The following TCF7L2 variants were observed in gnomAD, a reference collection of about 807,000 sequenced individuals.
TCF7L2 encodes transcription factor 7-like 2.
In TCF7L2, 23 loss-of-function variants were observed where a neutral mutation model predicts 77.9. The ratio of observed to expected loss-of-function variants is 0.30; its 90% CI spans 0.21 to 0.42. The LOEUF (loss-of-function observed/expected upper bound fraction) is 0.42, where lower values mean the gene tolerates loss of function less well. Among genes scored for constraint, TCF7L2 ranks in the 10% least tolerant of loss-of-function variants. TCF7L2 has a pLI of 1.00. For missense variants in TCF7L2, 654 were observed against 793.1 expected (o/e 0.82, Z 2.11); for synonymous variants, 413 against 340.2 (o/e 1.21, Z -2.36).
chr10:113,165,446 T>A (rs2073971004), intron 13 of TCF7L2, 109 bp from the exon 15 acceptor site: 2 of 1,255,824 alleles, frequency 1.6e-6, no homozygotes, highest in Non-Finnish European at 1.1e-6. Flanking sequence ...GCGTGCCACC[T>A]CTGTGGGACA....
intron 12 of TCF7L2, among the ~76,000 whole-genome samples, 160 bp from the exon 13 acceptor site, chr10:113,158,507 A>G (rs1362994843): frequency 6.6e-6 from 1 of 152,204 alleles, no homozygotes; most frequent in East Asian, 1.9e-4. Flanking sequence ...TTACAGTGGT[A>G]AATTACACCC....
chr10:113,149,427 C>T (rs962990464), intron 8 of TCF7L2, among the ~76,000 whole-genome samples: 3 of 152,216 alleles, frequency 2.0e-5, no homozygotes, highest in Admixed American at 6.5e-5. Flanking sequence ...GGAAAGGCCA[C>T]GTCAGCGTGG....
At chr10:113,003,324 C>T (rs981687775) in intron 4 of TCF7L2, among the ~76,000 whole-genome samples, 2 of 152,154 alleles carry the variant, frequency 1.3e-5, no homozygotes, top group Admixed American at 6.5e-5. Context: ...CCCACGTGCC[C>T]CTGGAGACCC....
At chr10:112,979,244 C>T (rs976065421) in intron 4 of TCF7L2, among the ~76,000 whole-genome samples, 1 of 152,100 alleles carries the variant, frequency 6.6e-6, no homozygotes, top group African/African-American at 2.4e-5. Context: ...ACTCTTGCCT[C>T]AGTACCCATA....
At chr10:112,983,239 A>T (rs2040830864) in intron 4 of TCF7L2, among the ~76,000 whole-genome samples, 1 of 151,848 alleles carries the variant, frequency 6.6e-6, no homozygotes, top group Non-Finnish European at 1.5e-5. Context: ...TGGGAGGCCG[A>T]GGCGGGCAGA....
intron 4 of TCF7L2, among the ~76,000 whole-genome samples, chr10:112,989,037 G>C (rs1377002617): frequency 6.6e-6 from 1 of 152,178 alleles, no homozygotes; most frequent in African/African-American, 2.4e-5. Flanking sequence ...ATGCTCTGCG[G>C]TTGCTATGTT....
At chr10:112,970,940 T>TAG (rs1012912419) in intron 4 of TCF7L2, among the ~76,000 whole-genome samples, 1 of 152,182 alleles carries the variant, frequency 6.6e-6, no homozygotes, top group African/African-American at 2.4e-5. Context: ...AATGAAGAAT[T>TAG]AGAGAGAGAT....
At chr10:112,962,045 GTGA>G (rs1468728904) in intron 3 of TCF7L2, among the ~76,000 whole-genome samples, 1 of 152,278 alleles carries the variant, frequency 6.6e-6, no homozygotes, top group East Asian at 1.9e-4. Flanking sequence ...TGTTATTTGG[GTGA>G]TGATGAAGGC....
chr10:113,055,629 T>C (rs2055244521), intron 5 of TCF7L2, among the ~76,000 whole-genome samples: 1 of 152,194 alleles, frequency 6.6e-6, no homozygotes, highest in South Asian at 2.1e-4. Flanking sequence ...TTGCAGTGGC[T>C]ATTCACAGGA....
At chr10:112,958,267 G>A (rs2034208602) in intron 3 of TCF7L2, among the ~76,000 whole-genome samples, 1 of 152,192 alleles carries the variant, frequency 6.6e-6, no homozygotes, top group Admixed American at 6.5e-5. Context: ...GAATGGCCAG[G>A]AGTGGCATCA....
intron 5 of TCF7L2, among the ~76,000 whole-genome samples, chr10:113,057,044 T>G (rs1475858587): frequency 6.6e-6 from 1 of 152,210 alleles, no homozygotes; most frequent in East Asian, 1.9e-4. Flanking sequence ...GAAGATCTTT[T>G]TATTTGTTCT....
chr10:113,011,981 C>T (rs2046540528), intron 4 of TCF7L2, among the ~76,000 whole-genome samples: 1 of 152,156 alleles, frequency 6.6e-6, no homozygotes, highest in Non-Finnish European at 1.5e-5. Flanking sequence ...TTGAGCTTTA[C>T]CGCCTCAAGT....
rs1478939126 is a variant in TCF7L2 at position 112,975,596 on chromosome 10, C to A, written c.450+10972C>A. ...TCCTGGGTTCAAGGGATTCTCATAC[C>A]TCAACCTCCCCAGTAGCTGGGATTA... On this transcript the variant is annotated intron_variant, in intron 4 of 13. Transcript: ENST00000627217. 2.0e-5 allele frequency among the ~76,000 whole-genome samples: 3 copies of A among 152,102 alleles called. No individual in the cohort carries two copies. In the East Asian group the frequency reaches 5.8e-4, roughly 29 times the overall value.
chr10:113,161,660 G>C, intron 13 of TCF7L2: 7 of 1,523,574 alleles, frequency 4.6e-6, no homozygotes, highest in Non-Finnish European at 6.2e-6. Flanking sequence ...CCCTCGTCAC[G>C]TGTCCCTCCC....
Position 113,040,111 on chromosome 10 carries a change from A to G in TCF7L2, c.537A>G (p.Ser179=), listed in dbSNP as rs2134265869. 1 of 1,613,808 alleles carries G rather than the reference A, an allele frequency of 6.2e-7. No homozygotes were observed. The highest frequency in any genetic ancestry group is 8.5e-7 in the Non-Finnish European group (1 of 1,179,824). ...CCCTCAAGGATGCCCGGTCCCCATC[A>G]CCGGCACACATTGTCGTAAGTAACC... Residue 179 remains serine, a synonymous_variant, in exon 5 of 14, where the codon TCA becomes TCG. Coordinates refer to ENST00000627217, the MANE Select transcript of TCF7L2 (RefSeq NM_001146274.2).
chr10:113,150,832 T>C, intron 8 of TCF7L2, 166 bp from the exon 9 acceptor site: 2 of 798,060 alleles, frequency 2.5e-6, no homozygotes, highest in South Asian at 2.0e-5. Context: ...TGAGAATCAT[T>C]ATGTTTAATT....
At chr10:113,017,610 T>A (rs1162768267) in intron 4 of TCF7L2, among the ~76,000 whole-genome samples, 3 of 152,194 alleles carry the variant, frequency 2.0e-5, no homozygotes, top group Non-Finnish European at 4.4e-5. Context: ...GAAAGGCTGG[T>A]CCACTGGAGA....
At chr10:112,992,134 T>A (rs1344148146) in intron 4 of TCF7L2, among the ~76,000 whole-genome samples, 1 of 152,132 alleles carries the variant, frequency 6.6e-6, no homozygotes, top group Non-Finnish European at 1.5e-5. Flanking sequence ...TGGTCAGGCC[T>A]TGGACTCAGA....
intron 5 of TCF7L2, among the ~76,000 whole-genome samples, chr10:113,139,234 A>G (rs768861995): frequency 6.6e-6 from 1 of 152,140 alleles, no homozygotes; most frequent in Non-Finnish European, 1.5e-5. Context: ...GCCTCCTAAC[A>G]GTCTCCACTT....
Sources: gnomAD v4.1 joint callset for allele counts (sites outside exome capture counted in the v4.1 genomes callset) on GRCh38, gnomAD v4.1.1 for gene constraint, MANE v1.5 for transcripts, NCBI Gene and HGNC (gene_info 2026-07-23, HGNC 2026-07-21) for gene names.